Variants in MYOF observed in about 807,000 individuals in gnomAD.
MYOF encodes myoferlin, also known as fer-1-like 3, myoferlin.
A neutral mutation model predicts 284.2 loss-of-function variants in MYOF; 244 were observed. That is an observed-to-expected ratio of 0.86 (90% CI 0.77 to 0.95). MYOF has a LOEUF of 0.95. Ranked by LOEUF, MYOF falls within the 40% of genes least tolerant of loss-of-function variation. The pLI is 0.00. For synonymous variants in MYOF, 904 were observed against 919.7 expected, an observed-to-expected ratio of 0.98 and a Z score of 0.31; for missense variants, 2,496 against 2,560.6, an observed-to-expected ratio of 0.97 and a Z score of 0.54.
chr10:93,452,277 T>A, intron 2 of MYOF, 136 bp from the exon 3 acceptor site: 3 of 697,768 alleles, frequency 4.3e-6, no homozygotes, highest in Non-Finnish European at 5.0e-6. Context: ...TATGCAGAAA[T>A]GATTAAATTC....
rs374928753 is a variant in MYOF, at chr10:93,454,289, T to C, written c.145-2148A>G. ...TTCAATTATAAAACAGTTTACTTGA[T>C]AAGTACATCTGCAATATGAAAGGAA... is the stretch of plus-strand genomic sequence containing the variant. On this transcript the variant is annotated intron_variant, in intron 2 of 53. Transcript: ENST00000359263. Among the ~76,000 whole-genome samples, 218 of 152,016 alleles carry C rather than the reference T, an allele frequency of 1.4e-3. 7 individuals carry two copies. In the South Asian group the frequency reaches 0.044, roughly 31 times the overall value.
At chr10:93,378,693 G>GTATATATATATA (rs66859494) in intron 21 of MYOF, among the ~76,000 whole-genome samples, 6,952 of 87,796 alleles carry the variant, frequency 0.079, 475 homozygotes, top group Non-Finnish European at 0.11. Flanking sequence ...GTGTGTGTGT[G>GTATATATATATA]TATATATATA....
At chr10:93,468,587 G>C (rs2057065195) in intron 1 of MYOF, among the ~76,000 whole-genome samples, 2 of 152,172 alleles carry the variant, frequency 1.3e-5, no homozygotes, top group African/African-American at 4.8e-5. Flanking sequence ...GAAAAATCTT[G>C]ATAATTAGAT....
intron 43 of MYOF, among the ~76,000 whole-genome samples, chr10:93,330,540 G>A (rs1843251191): frequency 6.6e-6 from 1 of 152,170 alleles, no homozygotes; most frequent in South Asian, 2.1e-4. Flanking sequence ...GACCCACTGG[G>A]TATGCCCTTG....
Position 93,340,182 on chromosome 10 carries a change from C to T in MYOF, c.4327-18G>A, listed in dbSNP as rs1474440742. On this transcript the variant is annotated intron_variant, in intron 38 of 53. Coordinates refer to ENST00000359263, the MANE Select transcript of MYOF (RefSeq NM_013451.4). ...TCTGTCAGCTGCTCGTGCACATGTC[C>T]CGTGAGGAAGAGGGCAAACCATATA... 3.1e-6 allele frequency: 5 copies of T among 1,613,778 alleles called. No homozygotes were observed. The highest frequency in any genetic ancestry group is 4.2e-6 in the Non-Finnish European group (5 of 1,179,910).
At chr10:93,332,122 T>C (rs1609574) in intron 43 of MYOF, among the ~76,000 whole-genome samples, 3,724 of 152,270 alleles carry the variant, frequency 0.024, 86 homozygotes, top group Non-Finnish European at 0.037. Flanking sequence ...TGGTAATCCC[T>C]GCCCTGAGCA....
intron 46 of MYOF, 162 bp from the exon 47 acceptor site, chr10:93,323,520 A>AATC: frequency 1.5e-6 from 1 of 665,452 alleles, no homozygotes; most frequent in South Asian, 2.1e-5. Flanking sequence ...AACCAAGGTT[A>AATC]ATCTTTTATG....
chr10:93,380,163 T>A (rs925505300), intron 20 of MYOF, among the ~76,000 whole-genome samples, 176 bp from the exon 21 acceptor site: 9 of 152,190 alleles, frequency 5.9e-5, no homozygotes, highest in African/African-American at 1.9e-4. Flanking sequence ...AAGCTCTTTT[T>A]CATTCAGGCT....
At position 93,396,198 on chromosome 10, in the gene MYOF, A is replaced by G. The variant is rs769071947; in HGVS notation, c.1361T>C (p.Val454Ala). Reference protein sequence around the residue: ...DWDRLTKNDVVGTTYLHLSKI... With the variant: ...DWDRLTKNDVAGTTYLHLSKI... ...AGAGAGGTGTAGATATGTTGTTCCA[A>G]CTACATCATTTTTAGTAAGACGGTC... Residue 454 changes from valine (V) to alanine (A), a missense_variant, in exon 16 of 54, where the codon GTT becomes GCT. Physicochemically the swap from Val to Ala is moderately conservative, Grantham distance 64 (BLOSUM62 0). Around this residue, in one of 3 missense-constraint regions of MYOF, gnomAD observed 2,436 missense variants for 2,480.7 expected, o/e 0.98. Transcript: ENST00000359263. 17 of 1,604,268 alleles carry G rather than the reference A, an allele frequency of 1.1e-5. No individual in the cohort carries two copies. Among genetic ancestry groups the G allele is most frequent in the Non-Finnish European group, 1.4e-5 (16 of 1,175,206 alleles).
chr10:93,352,339 G>C (rs1844564879), intron 32 of MYOF, among the ~76,000 whole-genome samples: 1 of 152,202 alleles, frequency 6.6e-6, no homozygotes, highest in South Asian at 2.1e-4. Flanking sequence ...TGTCCTATAG[G>C]AAGTATCTGA....
chr10:93,398,174 C>T (rs1442080962), intron 13 of MYOF, among the ~76,000 whole-genome samples: 2 of 152,096 alleles, frequency 1.3e-5, no homozygotes, highest in African/African-American at 2.4e-5. Context: ...CTGGCTCTAC[C>T]GCAGCCACAT....
At chr10:93,331,380 G>A (rs1444792770) in intron 43 of MYOF, among the ~76,000 whole-genome samples, 1 of 152,202 alleles carries the variant, frequency 6.6e-6, no homozygotes, top group Non-Finnish European at 1.5e-5. Context: ...GCCAGACAGC[G>A]ATTGGCCGAG....
rs1204364638 is a variant in MYOF, at chr10:93,482,118, A to G, written c.77T>C (p.Val26Ala). 1.9e-6 allele frequency: 3 copies of G among 1,613,840 alleles called. No homozygotes were observed. Among genetic ancestry groups the G allele is most frequent in the South Asian group, 2.2e-5 (2 of 91,050 alleles). Residue 26 changes from valine (V) to alanine (A), a missense_variant, in exon 1 of 54, where the codon GTC becomes GCC. By Grantham distance (64) the Val-to-Ala change is moderately conservative. This residue lies in a region of MYOF where 57 missense variants were observed against 62.4 expected (regional missense o/e 0.91). Transcript: ENST00000359263. ...AAACTTTTTCTTACCCTTAAAAATG[A>G]CAGAAACAATAGGATCCGGCTTGCC... The part of the protein sequence containing the change: ...KFGKPDPIVS[V>A]IFKDEKKKTK...
At chr10:93,374,616 G>A in intron 23 of MYOF, 147 bp downstream of exon 23, 1 of 742,910 alleles carries the variant, frequency 1.3e-6, no homozygotes. Flanking sequence ...CCTCAGCCCA[G>A]TTACTCCCTG....
At chr10:93,415,876 T>A (rs547319972) in intron 5 of MYOF, among the ~76,000 whole-genome samples, 1 of 152,280 alleles carries the variant, frequency 6.6e-6, no homozygotes, top group East Asian at 1.9e-4. Flanking sequence ...AAACTTTCAT[T>A]GACTCCACGG....
intron 46 of MYOF, 33 bp from the exon 47 acceptor site, chr10:93,323,391 G>GTTATATGATGGGTAGCAGAAGTCACAATT (rs1842919276): frequency 3.2e-6 from 5 of 1,538,602 alleles, no homozygotes; most frequent in Non-Finnish European, 2.7e-6. Context: ...GAGGACTGAA[G>GTTATATGATGGGTAGCAGAAGTCACAATT]TTATATGATG....
At chr10:93,445,384 G>A (rs1214116640) in intron 3 of MYOF, among the ~76,000 whole-genome samples, 1 of 152,234 alleles carries the variant, frequency 6.6e-6, no homozygotes, top group Non-Finnish European at 1.5e-5. Flanking sequence ...CACATGCTAA[G>A]TCCTCACAAA....
chr10:93,437,564 T>C (rs1200677100), intron 3 of MYOF, among the ~76,000 whole-genome samples: 1 of 152,200 alleles, frequency 6.6e-6, no homozygotes, highest in African/African-American at 2.4e-5. Flanking sequence ...TTGCACTGTT[T>C]CTGCCTCTAG....
At chr10:93,476,119 A>T (rs2057254532) in intron 1 of MYOF, among the ~76,000 whole-genome samples, 1 of 151,746 alleles carries the variant, frequency 6.6e-6, no homozygotes, top group South Asian at 2.1e-4. Context: ...GCTGATAGGG[A>T]TCTTCTTGAT....
Sources: allele counts gnomAD v4.1 joint callset (sites outside exome capture counted in the v4.1 genomes callset), GRCh38; gene constraint gnomAD v4.1.1; regional missense constraint gnomAD v4.1.1; transcripts MANE v1.5; gene names NCBI Gene and HGNC (gene_info 2026-07-23, HGNC 2026-07-21).